The following PIP5K1C variants were observed in gnomAD, a reference collection of about 807,000 sequenced individuals.
PIP5K1C encodes phosphatidylinositol-4-phosphate 5-kinase type 1 gamma.
Under a neutral mutation model 80.1 loss-of-function variants are expected in PIP5K1C, and 45 were observed. The observed-to-expected ratio is 0.56, with a 90% CI of 0.44 to 0.72. The LOEUF is 0.72. Ranked by LOEUF, PIP5K1C falls within the 30% of genes least tolerant of loss-of-function variation. The pLI, the probability that PIP5K1C is intolerant of heterozygous loss-of-function variation, is 0.00. For missense variants in PIP5K1C, 753 were observed against 954.6 expected, an observed-to-expected ratio of 0.79 and a Z score of 2.78; for synonymous variants, 498 against 420.1, an observed-to-expected ratio of 1.19 and a Z score of -2.27.
intron 16 of PIP5K1C, among the ~76,000 whole-genome samples, chr19:3,634,881 T>A (rs925219520): frequency 3.9e-5 from 6 of 152,346 alleles, no homozygotes; most frequent in Non-Finnish European, 7.3e-5. Context: ...CGAGGCCGCA[T>A]CGCGGAGGAC....
At chr19:3,634,324 C>T (rs1469859655) in intron 16 of PIP5K1C, among the ~76,000 whole-genome samples, 2 of 151,962 alleles carry the variant, frequency 1.3e-5, no homozygotes, top group East Asian at 3.9e-4. Flanking sequence ...CTTCTCCTGC[C>T]CCTAGGCTGC....
At position 3,652,036 on chromosome 19, in the gene PIP5K1C, C is replaced by T. The variant is rs754843562; in HGVS notation, c.922-5G>A. 23 of 1,612,796 alleles carry T rather than the reference C, an allele frequency of 1.4e-5. No individual in the cohort carries two copies. Among genetic ancestry groups the T allele is most frequent in the East Asian group, 2.2e-5 (1 of 44,890 alleles). On this transcript the variant is annotated splice_region_variant and splice_polypyrimidine_tract_variant and intron_variant, in intron 7 of 17. Coordinates refer to ENST00000335312, the MANE Select transcript of PIP5K1C (RefSeq NM_012398.3). The stretch of plus-strand genomic sequence containing the variant: ...GATCTTGAAACTTTCCAGGACCTGG[C>T]GGGATCGGGCAGGAACACGCCACGC...
intron 9 of PIP5K1C, 53 bp from the exon 10 acceptor site, chr19:3,647,439 G>A (rs1281491118): frequency 6.0e-6 from 9 of 1,495,300 alleles, no homozygotes; most frequent in Middle Eastern, 1.7e-4. Context: ...CCCATGCCAG[G>A]CCACCTCACT....
chr19:3,674,506 C>T (rs951833627), intron 1 of PIP5K1C, among the ~76,000 whole-genome samples: 4 of 151,946 alleles, frequency 2.6e-5, no homozygotes, highest in Non-Finnish European at 5.9e-5. Flanking sequence ...CGGCTCACTA[C>T]AGCCTCCGCC....
At chr19:3,691,301 T>C (rs2035941675) in intron 1 of PIP5K1C, among the ~76,000 whole-genome samples, 1 of 152,200 alleles carries the variant, frequency 6.6e-6, no homozygotes, top group Admixed American at 6.5e-5. Flanking sequence ...TGCTGCGTTT[T>C]GTTTTCTGGA....
At position 3,692,573 on chromosome 19, in the gene PIP5K1C, CCCCACCTGGCCCAGCCCCAGCTTCG is replaced by C. The variant is rs2035980579; in HGVS notation, c.94+7699_94+7723del. 6.6e-6 allele frequency among the ~76,000 whole-genome samples: 1 copy of C among 152,150 alleles called. No individual in the cohort carries two copies. Among genetic ancestry groups the C allele is most frequent in the South Asian group, 2.1e-4 (1 of 4,830 alleles). On this transcript the variant is annotated intron_variant, in intron 1 of 17. Transcript: ENST00000335312. This position sits in a 1 kb window ranked among gnomAD's most constrained non-coding sequence, Gnocchi z 5.2. ...TCCCAGATGGCGCACTGCTCATGGTCCCCACCTGGCCCAGCCCCAGCTTCGCCCACCTGGGCCAGTGCAGTCCCCT... is the reference window on the plus strand; with the variant it reads ...TCCCAGATGGCGCACTGCTCATGGTCCCCACCTGGGCCAGTGCAGTCCCCT...
chr19:3,683,731 G>A (rs1023736526), intron 1 of PIP5K1C, among the ~76,000 whole-genome samples: 1 of 152,190 alleles, frequency 6.6e-6, no homozygotes, highest in Non-Finnish European at 1.5e-5. Context: ...GGCGGGGGAA[G>A]GGCAGAGGGG....
chr19:3,655,956 C>A (rs1438640514), intron 6 of PIP5K1C, among the ~76,000 whole-genome samples: 6 of 152,248 alleles, frequency 3.9e-5, no homozygotes, highest in Admixed American at 3.9e-4. Flanking sequence ...CTGCCTCACG[C>A]CTGCCTGAGC....
At chr19:3,665,971 C>T (rs899401256) in intron 2 of PIP5K1C, among the ~76,000 whole-genome samples, 5 of 152,166 alleles carry the variant, frequency 3.3e-5, no homozygotes, top group Non-Finnish European at 7.4e-5. Flanking sequence ...CCCCTGCCCT[C>T]CCTCCACAGC....
chr19:3,653,627 G>C (rs368704875), intron 6 of PIP5K1C, 38 bp from the exon 7 acceptor site: 9 of 1,579,124 alleles, frequency 5.7e-6, no homozygotes, highest in South Asian at 2.3e-5. Context: ...AGGGCGGCTG[G>C]GCCACAGACT....
intron 1 of PIP5K1C, among the ~76,000 whole-genome samples, chr19:3,677,224 G>T (rs1403433469): frequency 2.0e-5 from 3 of 152,230 alleles, no homozygotes; most frequent in African/African-American, 7.2e-5. Context: ...CACTGCAGCG[G>T]AAGTGCTGGC....
At chr19:3,643,086 T>A in intron 13 of PIP5K1C, 147 bp from the exon 14 acceptor site, 1 of 1,465,202 alleles carries the variant, frequency 6.8e-7, no homozygotes, top group Non-Finnish European at 9.5e-7. Flanking sequence ...CATTGGATGC[T>A]CCGCCCCCGC....
chr19:3,684,453 G>A (rs897576927), intron 1 of PIP5K1C, among the ~76,000 whole-genome samples: 1 of 152,224 alleles, frequency 6.6e-6, no homozygotes, highest in Non-Finnish European at 1.5e-5. Context: ...TGACATGGGG[G>A]GAATTCTTCC....
At chr19:3,686,968 G>A (rs756252898) in intron 1 of PIP5K1C, among the ~76,000 whole-genome samples, 1 of 152,104 alleles carries the variant, frequency 6.6e-6, no homozygotes, top group African/African-American at 2.4e-5. Flanking sequence ...CGAGGCAGGT[G>A]GATAGCCTAA....
chr19:3,643,351 G>A lies in PIP5K1C; in HGVS notation c.1541C>T (p.Pro514Leu). Residue 514 changes from proline (P) to leucine (L), a missense_variant, in exon 13 of 18, where the codon CCT becomes CTT. Pro to Leu is a moderately conservative substitution (Grantham distance 98). This residue lies in a region of PIP5K1C where 315 missense variants were observed against 294.5 expected (regional missense o/e 1.07). Transcript: ENST00000335312. Reference sequence around the variant, plus strand: ...GGCTGTAGTGGCTTCTTCGAAAGAAGGTGGCGTGCAGGGCAGGAGGTCGGG... The same window carrying A: ...GGCTGTAGTGGCTTCTTCGAAAGAAAGTGGCGTGCAGGGCAGGAGGTCGGG... ...GRPDLLPCTP[P>L]SFEEATTASI... 1.9e-6 allele frequency: 3 copies of A among 1,613,836 alleles called. No homozygotes were observed. The South Asian group carries it at 3.3e-5, about 18-fold the overall frequency.
At chr19:3,673,217 C>T (rs1344277538) in intron 1 of PIP5K1C, among the ~76,000 whole-genome samples, 3 of 152,240 alleles carry the variant, frequency 2.0e-5, no homozygotes, top group Non-Finnish European at 4.4e-5. Flanking sequence ...GGCCTTTGCA[C>T]GAGCGGTGCC....
At chr19:3,665,641 A>C (rs2034982068) in intron 2 of PIP5K1C, among the ~76,000 whole-genome samples, 1 of 152,024 alleles carries the variant, frequency 6.6e-6, no homozygotes, top group African/African-American at 2.4e-5. Context: ...GATTGAAAAG[A>C]CCACCTTGTC....
chr19:3,678,293 GA>G, intron 1 of PIP5K1C, among the ~76,000 whole-genome samples: 1 of 138,850 alleles, frequency 7.2e-6, no homozygotes, highest in Non-Finnish European at 1.6e-5. Context: ...TGGAGGGATG[GA>G]GGGATGGAGG....
chr19:3,654,164 G>A (rs947544647), intron 6 of PIP5K1C, among the ~76,000 whole-genome samples: 1 of 152,178 alleles, frequency 6.6e-6, no homozygotes, highest in Non-Finnish European at 1.5e-5. Flanking sequence ...CAGCCTCTAT[G>A]TTGGTTATGC....
Sources: allele counts gnomAD v4.1 joint callset (sites outside exome capture counted in the v4.1 genomes callset), GRCh38; gene constraint gnomAD v4.1.1; regional missense constraint gnomAD v4.1.1; non-coding constraint Gnocchi (gnomAD v3.1); transcripts MANE v1.5; gene names NCBI Gene and HGNC (gene_info 2026-07-23, HGNC 2026-07-21).